The following GLI2 variants were observed in gnomAD, a reference collection of about 807,000 sequenced individuals.
GLI2 encodes the protein transcription activator GLI2.
GLI2 carries 22 observed loss-of-function variants against 78.9 expected under a neutral mutation model. The ratio of observed to expected loss-of-function variants is 0.28; its 90% CI spans 0.20 to 0.40. The LOEUF (loss-of-function observed/expected upper bound fraction) is 0.40. Among genes scored for constraint, GLI2 ranks in the 10% least tolerant of loss-of-function variants. The pLI is 1.00. For synonymous variants in GLI2, 974 were observed against 963.7 expected (o/e 1.01, Z -0.20); for missense variants, 2,097 against 2,213.2 (o/e 0.95, Z 1.05).
chr2:120,906,024 C>T (rs528553313), intron 2 of GLI2, among the ~76,000 whole-genome samples: 110 of 152,368 alleles, frequency 7.2e-4, no homozygotes, highest in African/African-American at 2.3e-3. Flanking sequence ...CGGCGCTTCT[C>T]GCCAAGATGG....
chr2:120,986,889 C>T (rs1683006467), intron 13 of GLI2, among the ~76,000 whole-genome samples: 1 of 152,278 alleles, frequency 6.6e-6, no homozygotes, highest in Non-Finnish European at 1.5e-5. Context: ...ACATCATCCT[C>T]TTCCTCACCC....
chr2:120,846,092 C>T (rs1321753541), intron 2 of GLI2, among the ~76,000 whole-genome samples: 2 of 152,172 alleles, frequency 1.3e-5, no homozygotes, highest in Non-Finnish European at 1.5e-5. Context: ...TAGACCTACT[C>T]GTGTGTTGTC....
At chr2:120,818,696 C>T (rs935626109) in intron 2 of GLI2, among the ~76,000 whole-genome samples, 5 of 152,234 alleles carry the variant, frequency 3.3e-5, no homozygotes, top group Non-Finnish European at 2.9e-5. Context: ...CCAGTGTCTC[C>T]GCCCAGGCCC....
intron 2 of GLI2, among the ~76,000 whole-genome samples, chr2:120,824,692 G>A (rs1430656967): frequency 3.3e-5 from 5 of 152,210 alleles, no homozygotes; most frequent in Non-Finnish European, 7.3e-5. Context: ...GGTCTTTGAG[G>A]ATGTAAGCCT....
At chr2:120,837,245 C>T (rs1686656351) in intron 2 of GLI2, among the ~76,000 whole-genome samples, 1 of 151,906 alleles carries the variant, frequency 6.6e-6, no homozygotes, top group African/African-American at 2.4e-5. Context: ...ATACAGAAAA[C>T]TAGCCGGGTG....
At chr2:120,766,628 C>T (rs949335949) in intron 1 of GLI2, among the ~76,000 whole-genome samples, 4 of 152,210 alleles carry the variant, frequency 2.6e-5, no homozygotes, top group East Asian at 1.9e-4. Flanking sequence ...ATTAGCTCTA[C>T]GCTCAGACTG....
Position 120,955,353 on chromosome 2 carries a change from C to T in GLI2, c.566C>T (p.Pro189Leu), listed in dbSNP as rs1350284317. The T allele has an allele frequency of 3.1e-6, 5 of 1,613,270 alleles. No individual in the cohort carries two copies. The highest frequency in any genetic ancestry group is 2.7e-5 in the African/African-American group (2 of 74,868). Residue 189 changes from proline (P) to leucine (L), a missense_variant, in exon 5 of 14, where the codon CCC (proline) becomes CTC (leucine). Around this residue, in one of 5 missense-constraint regions of GLI2, gnomAD observed 578 missense variants for 612.0 expected, o/e 0.94. Coordinates refer to ENST00000361492, the MANE Select transcript of GLI2 (RefSeq NM_001374353.1). ...QMTLVAGHPA[P>L]YGDLLMQSGG... ...ACCCTCGTGGCAGGCCACCCCGCGC[C>T]CTACGGGGACCTGCTGATGCAGAGC...
chr2:120,932,973 AG>A (rs1474823536), intron 3 of GLI2, among the ~76,000 whole-genome samples: 1 of 152,148 alleles, frequency 6.6e-6, no homozygotes, highest in Non-Finnish European at 1.5e-5. Context: ...TTTGGCAACC[AG>A]GAGCAGCGGG....
intron 2 of GLI2, among the ~76,000 whole-genome samples, chr2:120,862,384 T>C (rs1687941397): frequency 6.6e-6 from 1 of 152,294 alleles, no homozygotes; most frequent in Non-Finnish European, 1.5e-5. Flanking sequence ...CACGAGGTAC[T>C]GGGGACACAG....
chr2:120,847,482 T>C (rs1687175517), intron 2 of GLI2, among the ~76,000 whole-genome samples: 1 of 152,142 alleles, frequency 6.6e-6, no homozygotes, highest in African/African-American at 2.4e-5. Context: ...TCCACGTCTC[T>C]TGAAGATCAG....
At chr2:120,864,696 G>C (rs755362462) in intron 2 of GLI2, among the ~76,000 whole-genome samples, 1 of 152,052 alleles carries the variant, frequency 6.6e-6, no homozygotes, top group Non-Finnish European at 1.5e-5. Context: ...ATCCACCCAC[G>C]TTGGCCTCCC....
intron 8 of GLI2, among the ~76,000 whole-genome samples, chr2:120,973,222 C>T (rs750379070): frequency 1.4e-4 from 22 of 152,216 alleles, no homozygotes; most frequent in Non-Finnish European, 2.5e-4. Context: ...GGTCTCAGCA[C>T]GATGCATGGT....
chr2:120,889,573 T>C (rs187535826), intron 2 of GLI2, among the ~76,000 whole-genome samples: 1 of 152,302 alleles, frequency 6.6e-6, no homozygotes, highest in East Asian at 1.9e-4. Context: ...AGAAAATATT[T>C]GCAAACCTCA....
Position 120,817,863 on chromosome 2 carries a change from C to T in GLI2, c.148+20395C>T, listed in dbSNP as rs545630310. The stretch of plus-strand genomic sequence containing the variant: ...TCGTATGGAGCAAACCTAAGAGACC[C>T]GGCCGGCCTGAGAACCATGTGGCAG... On this transcript the variant is annotated intron_variant, in intron 2 of 13. Transcript: ENST00000361492. 3.3e-4 allele frequency among the ~76,000 whole-genome samples: 51 copies of T among 152,306 alleles called. No homozygotes were observed. The South Asian group carries it at 9.1e-3, about 27-fold the overall frequency.
At chr2:120,757,474 T>A (rs1400478515) in intron 1 of GLI2, among the ~76,000 whole-genome samples, 1 of 152,240 alleles carries the variant, frequency 6.6e-6, no homozygotes, top group African/African-American at 2.4e-5. Flanking sequence ...GTGTGACTTT[T>A]GAGGTTTTCC....
At chr2:120,815,768 C>G (rs1685466377) in intron 2 of GLI2, among the ~76,000 whole-genome samples, 1 of 152,158 alleles carries the variant, frequency 6.6e-6, no homozygotes, top group African/African-American at 2.4e-5. Context: ...AGCTCCTGCC[C>G]AGTCGTGGGA....
At chr2:120,858,777 G>C (rs1362755390) in intron 2 of GLI2, among the ~76,000 whole-genome samples, 1 of 151,882 alleles carries the variant, frequency 6.6e-6, no homozygotes, top group African/African-American at 2.4e-5. Flanking sequence ...CTGCAGTGCT[G>C]GGGGGCACAG....
At chr2:120,896,815 T>A (rs1288757523) in intron 2 of GLI2, among the ~76,000 whole-genome samples, 1 of 151,544 alleles carries the variant, frequency 6.6e-6, no homozygotes, top group Non-Finnish European at 1.5e-5. Flanking sequence ...TCACCAAGAG[T>A]TAACTCTTGA....
intron 3 of GLI2, among the ~76,000 whole-genome samples, chr2:120,934,477 G>A (rs927824115): frequency 6.6e-6 from 1 of 152,242 alleles, no homozygotes; most frequent in Non-Finnish European, 1.5e-5. Context: ...CTGAGCTGTA[G>A]TTGGTTTGCA....
Sources: gnomAD v4.1 joint callset for allele counts (sites outside exome capture counted in the v4.1 genomes callset) on GRCh38, gnomAD v4.1.1 for gene constraint, gnomAD v4.1.1 regional missense constraint, MANE v1.5 for transcripts, NCBI Gene and HGNC (gene_info 2026-07-23, HGNC 2026-07-21) for gene names.